Variants in EHBP1 observed in about 807,000 individuals in gnomAD.
EHBP1 encodes the protein EH domain binding protein 1, also known as EH domain-binding protein 1.
Under a neutral mutation model 144.0 loss-of-function variants are expected in EHBP1, and 55 were observed. The ratio of observed to expected loss-of-function variants is 0.38; its 90% CI spans 0.31 to 0.48. EHBP1 has a LOEUF of 0.48. Among genes scored for constraint, EHBP1 ranks in the 20% least tolerant of loss-of-function variants. The pLI is 0.98. For synonymous variants in EHBP1, 469 were observed against 472.7 expected (o/e 0.99, Z 0.10); for missense variants, 1,200 against 1,364.2 (o/e 0.88, Z 1.90).
At chr2:63,038,523 A>G (rs2061534975) in intron 20 of EHBP1, among the ~76,000 whole-genome samples, 1 of 152,172 alleles carries the variant, frequency 6.6e-6, no homozygotes, top group Non-Finnish European at 1.5e-5. Flanking sequence ...TCAGATTAAA[A>G]TATACCTATG....
In EHBP1 at chr2:62,734,488, T is replaced by G. The variant is rs923466204; in HGVS notation, c.105-12907T>G. 2.4e-4 allele frequency among the ~76,000 whole-genome samples: 36 copies of G among 152,094 alleles called. 1 individual carries two copies. In the South Asian group the frequency reaches 4.4e-3, roughly 18 times the overall value. On this transcript the variant is annotated intron_variant, in intron 2 of 22. Coordinates refer to ENST00000431489, the MANE Select transcript of EHBP1 (RefSeq NM_001142616.3). ...CATGTAAGCAACCAAATCTTTTGAT[T>G]AGTATTAGCATGGTATATTTGTCTA...
chr2:62,820,733 GTA>G (rs1553429677), intron 5 of EHBP1, among the ~76,000 whole-genome samples: 1 of 94,752 alleles, frequency 1.1e-5, no homozygotes, highest in Non-Finnish European at 2.0e-5. Flanking sequence ...GTGTGTGTGT[GTA>G]TAATATATAT....
At chr2:62,943,265 A>G (rs1380555129) in intron 11 of EHBP1, among the ~76,000 whole-genome samples, 4 of 150,424 alleles carry the variant, frequency 2.7e-5, no homozygotes, top group Non-Finnish European at 4.4e-5. Flanking sequence ...AATCCCAGCT[A>G]CTTGGGAGGC....
intron 5 of EHBP1, among the ~76,000 whole-genome samples, chr2:62,798,254 A>G (rs907298733): frequency 4.6e-5 from 7 of 151,944 alleles, no homozygotes; most frequent in Non-Finnish European, 8.8e-5. Flanking sequence ...TTTAATCCCA[A>G]CTGCTCGGGA....
intron 10 of EHBP1, among the ~76,000 whole-genome samples, chr2:62,875,170 G>A (rs2050791389): frequency 6.6e-6 from 1 of 152,154 alleles, no homozygotes; most frequent in African/African-American, 2.4e-5. Context: ...AGTCCCCACT[G>A]CCCCATCAGT....
At chr2:62,833,857 A>G (rs2047011615) in intron 7 of EHBP1, among the ~76,000 whole-genome samples, 1 of 152,178 alleles carries the variant, frequency 6.6e-6, no homozygotes, top group African/African-American at 2.4e-5. Context: ...GAAAGGACTC[A>G]CTGTTCTAGA....
chr2:62,994,368 T>C (rs2059547174), intron 18 of EHBP1, among the ~76,000 whole-genome samples: 1 of 152,146 alleles, frequency 6.6e-6, no homozygotes, highest in African/African-American at 2.4e-5. Context: ...TGGCTTGGGT[T>C]AATGGGTGTT....
At chr2:62,837,592 C>A (rs2047386750) in intron 7 of EHBP1, among the ~76,000 whole-genome samples, 2 of 150,394 alleles carry the variant, frequency 1.3e-5, no homozygotes, top group South Asian at 2.1e-4. Context: ...ATTCAGGAAA[C>A]CCATCTCACG....
intron 1 of EHBP1, among the ~76,000 whole-genome samples, chr2:62,689,596 C>T (rs1287757500): frequency 2.0e-5 from 3 of 152,030 alleles, no homozygotes; most frequent in African/African-American, 4.8e-5. Context: ...GAGAGGTAAC[C>T]GAGGTCTCGG....
In EHBP1 at chr2:62,834,176, G is replaced by A. The variant is rs377443852; in HGVS notation, c.634+3018G>A. Among the ~76,000 whole-genome samples, 7 of 152,292 alleles carry A rather than the reference G, an allele frequency of 4.6e-5. No homozygotes were observed. In the East Asian group the frequency reaches 7.7e-4, roughly 17 times the overall value. ...TACTTCTGGTGAAGATGCTGTGAAC[G>A]TTGTTGAAATGACAACAAAGGATTT... On this transcript the variant is annotated intron_variant, in intron 7 of 22. Coordinates refer to ENST00000431489, the MANE Select transcript of EHBP1 (RefSeq NM_001142616.3).
chr2:62,787,821 G>A (rs1004709244), intron 5 of EHBP1, among the ~76,000 whole-genome samples: 1 of 152,172 alleles, frequency 6.6e-6, no homozygotes, highest in Non-Finnish European at 1.5e-5. Flanking sequence ...GCTATAGATT[G>A]CAATTTATCA....
In EHBP1 at chr2:62,917,072, G is replaced by A. The variant is rs559744964; in HGVS notation, c.1186-25646G>A. On this transcript the variant is annotated intron_variant, in intron 10 of 22. Transcript: ENST00000431489. ...ACATCTTAGAGCACATTTACACAAA[G>A]CTAGATGGTGTAGTGTACTACACGA... Among the ~76,000 whole-genome samples the A allele has an allele frequency of 1.2e-4, 19 of 152,236 alleles. 1 individual carries two copies. In the South Asian group the frequency reaches 3.9e-3, roughly 32 times the overall value.
intron 5 of EHBP1, among the ~76,000 whole-genome samples, chr2:62,822,250 C>A (rs910704673): frequency 1.3e-5 from 2 of 152,112 alleles, no homozygotes; most frequent in Admixed American, 1.3e-4. Flanking sequence ...CTGTTGCTTG[C>A]ATTGTTACTA....
At chr2:62,919,861 C>T (rs2054926326) in intron 10 of EHBP1, among the ~76,000 whole-genome samples, 1 of 151,734 alleles carries the variant, frequency 6.6e-6, no homozygotes, top group Non-Finnish European at 1.5e-5. Context: ...CTGAAAAGTA[C>T]AATAACTGAA....
At chr2:62,981,070 A>G (rs1360299415) in intron 15 of EHBP1, among the ~76,000 whole-genome samples, 1 of 126,784 alleles carries the variant, frequency 7.9e-6, no homozygotes, top group African/African-American at 3.2e-5. Flanking sequence ...ATGCTGTCTC[A>G]AAAAAAAAAA....
chr2:62,708,574 G>C (rs1472800700), intron 2 of EHBP1, among the ~76,000 whole-genome samples: 7 of 152,206 alleles, frequency 4.6e-5, no homozygotes, highest in Non-Finnish European at 1.0e-4. Context: ...GAGGGTAATT[G>C]TGAAGATTAA....
intron 5 of EHBP1, among the ~76,000 whole-genome samples, chr2:62,794,151 C>G (rs2043367826): frequency 6.6e-6 from 1 of 152,036 alleles, no homozygotes; most frequent in Non-Finnish European, 1.5e-5. Flanking sequence ...TCTAAATAAT[C>G]CACAGCATTT....
intron 19 of EHBP1, among the ~76,000 whole-genome samples, chr2:63,019,830 GGGAAGGAAGGAAGGAAGGAAGGAAGGAA>G (rs539462695): frequency 1.9e-3 from 66 of 34,790 alleles, no homozygotes; most frequent in African/African-American, 8.3e-3. Flanking sequence ...AAGAGGGGGA[GGGAAGGAAGGAAGGAAGGAAGGAAGGAA>G]GGAAGGAAGG....
intron 5 of EHBP1, among the ~76,000 whole-genome samples, chr2:62,806,683 T>A (rs1385634744): frequency 6.6e-6 from 1 of 152,146 alleles, no homozygotes; most frequent in African/African-American, 2.4e-5. Context: ...TTTCTATGAT[T>A]CCACTTTCTT....
Sources: allele counts gnomAD v4.1 joint callset (sites outside exome capture counted in the v4.1 genomes callset), GRCh38; gene constraint gnomAD v4.1.1; transcripts MANE v1.5; gene names NCBI Gene and HGNC (gene_info 2026-07-23, HGNC 2026-07-21).